The following CCDC146 variants were observed in gnomAD, a reference collection of about 807,000 sequenced individuals.
The protein encoded by CCDC146 is coiled-coil domain-containing protein 146.
In CCDC146, 92 loss-of-function variants were observed where a neutral mutation model predicts 119.3. The observed-to-expected ratio is 0.77, with a 90% confidence interval of 0.65 to 0.92. The LOEUF (loss-of-function observed/expected upper bound fraction) is 0.92, where lower values mean the gene tolerates loss of function less well. CCDC146 is among the 40% of genes least tolerant of loss of function. The probability of loss-of-function intolerance (pLI) is 0.00; values close to 1 mark genes in which losing one functional copy is unlikely to be tolerated. For synonymous variants in CCDC146, 372 were observed against 371.8 expected (o/e 1.00, Z -0.01); for missense variants, 1,000 against 1,103.0 (o/e 0.91, Z 1.32).
At chr7:77,271,355 C>T (rs1028435561) in intron 9 of CCDC146, among the ~76,000 whole-genome samples, 5 of 151,300 alleles carry the variant, frequency 3.3e-5, no homozygotes, top group East Asian at 1.9e-4. Flanking sequence ...CCTCGAACAT[C>T]GGACTCCAAG....
intron 1 of CCDC146, among the ~76,000 whole-genome samples, chr7:77,133,958 A>G (rs1790824804): frequency 6.6e-6 from 1 of 152,214 alleles, no homozygotes; most frequent in Non-Finnish European, 1.5e-5. Flanking sequence ...AAGGTGAAGC[A>G]GTACACAATC....
chr7:77,192,845 C>T (rs990101370), intron 2 of CCDC146, among the ~76,000 whole-genome samples: 1 of 152,022 alleles, frequency 6.6e-6, no homozygotes, highest in Non-Finnish European at 1.5e-5. Context: ...ATGGCGTGAA[C>T]CCAGGAGGCA....
At chr7:77,190,190 T>C (rs1347615603) in intron 2 of CCDC146, among the ~76,000 whole-genome samples, 3 of 152,222 alleles carry the variant, frequency 2.0e-5, no homozygotes, top group Non-Finnish European at 4.4e-5. Flanking sequence ...TTAGTTACCA[T>C]GAGCTGCTAT....
chr7:77,140,237 T>A (rs1427030191), intron 1 of CCDC146, among the ~76,000 whole-genome samples: 2 of 151,930 alleles, frequency 1.3e-5, no homozygotes, highest in East Asian at 3.8e-4. Context: ...ATTTGGAAAC[T>A]GAAATCTTAA....
chr7:77,166,712 T>A (rs1412169519), intron 1 of CCDC146, among the ~76,000 whole-genome samples: 1 of 152,192 alleles, frequency 6.6e-6, no homozygotes, highest in Non-Finnish European at 1.5e-5. Flanking sequence ...TAATAAATTT[T>A]TTTAAAGGGA....
At chr7:77,200,111 C>T (rs1006362315) in intron 2 of CCDC146, among the ~76,000 whole-genome samples, 15 of 152,078 alleles carry the variant, frequency 9.9e-5, no homozygotes, top group East Asian at 9.6e-4. Context: ...GGTATACTTA[C>T]GCTTGAAGTA....
chr7:77,180,677 G>A (rs936132948), intron 2 of CCDC146, among the ~76,000 whole-genome samples: 12 of 152,156 alleles, frequency 7.9e-5, no homozygotes, highest in African/African-American at 1.9e-4. Flanking sequence ...CAGTCTAGGT[G>A]AGAGTGAGAC....
intron 1 of CCDC146, among the ~76,000 whole-genome samples, chr7:77,153,849 G>A (rs2539175): frequency 9.2e-5 from 14 of 151,620 alleles, no homozygotes; most frequent in African/African-American, 3.2e-4. Flanking sequence ...ACAAAAATGT[G>A]TATGAGAATA....
intron 13 of CCDC146, 126 bp downstream of exon 13, chr7:77,279,227 G>T: frequency 2.6e-6 from 2 of 764,520 alleles, no homozygotes; most frequent in East Asian, 2.9e-5. Flanking sequence ...TGGTGCCACT[G>T]CCCTCCAGCC....
chr7:77,239,338 T>G (rs191714327), intron 3 of CCDC146, among the ~76,000 whole-genome samples: 2 of 152,370 alleles, frequency 1.3e-5, no homozygotes, highest in African/African-American at 4.8e-5. Context: ...AGGAGAATAA[T>G]TCCAGCTTTC....
At chr7:77,245,450 C>T (rs1220546375) in intron 4 of CCDC146, among the ~76,000 whole-genome samples, 4 of 152,148 alleles carry the variant, frequency 2.6e-5, no homozygotes, top group African/African-American at 4.8e-5. Context: ...AAATACGTTG[C>T]GTCTTTCATG....
chr7:77,210,362 G>A (rs1005091204), intron 2 of CCDC146, among the ~76,000 whole-genome samples: 2 of 152,142 alleles, frequency 1.3e-5, no homozygotes, highest in Admixed American at 6.5e-5. Context: ...CAGTCTCTTT[G>A]CTAAACCATA....
At chr7:77,292,862 C>G in intron 17 of CCDC146, 90 bp from the exon 18 acceptor site, 1 of 1,378,928 alleles carries the variant, frequency 7.3e-7, no homozygotes, top group Non-Finnish European at 9.8e-7. Context: ...GACAAAAATG[C>G]ACCCCGCCAT....
chr7:77,166,073 T>C (rs1490313773), intron 1 of CCDC146, among the ~76,000 whole-genome samples: 1 of 152,190 alleles, frequency 6.6e-6, no homozygotes, highest in African/African-American at 2.4e-5. Flanking sequence ...TAATTGAACA[T>C]ACAACAATAG....
At position 77,262,164 on chromosome 7, in the gene CCDC146, C is replaced by T; in HGVS notation, c.1030C>T (p.Gln344Ter). ...LNLRNSLIDK[Q>*]NYHDELSRKQ... ...TTTACGCAACAGTCTCATTGACAAG[C>T]AGAACTACCATGATGAACTTTCTCG... Residue 344 changes from glutamine to a stop codon, truncating the protein, a stop_gained, in exon 9 of 19, where the codon CAG becomes TAG. Coordinates refer to ENST00000285871, the MANE Select transcript of CCDC146 (RefSeq NM_020879.3). LOFTEE classifies it high-confidence loss of function. 6.2e-7 allele frequency: 1 copy of T among 1,611,656 alleles called. No homozygotes were observed. Among genetic ancestry groups the T allele is most frequent in the Non-Finnish European group, 8.5e-7 (1 of 1,179,126 alleles).
intron 2 of CCDC146, among the ~76,000 whole-genome samples, chr7:77,171,470 G>A (rs1306685563): frequency 2.6e-5 from 4 of 152,132 alleles, no homozygotes; most frequent in African/African-American, 9.7e-5. Context: ...CCTTAATAAA[G>A]GTGAGCTCCC....
At chr7:77,263,521 A>G (rs1793342592) in intron 9 of CCDC146, among the ~76,000 whole-genome samples, 1 of 152,256 alleles carries the variant, frequency 6.6e-6, no homozygotes, top group Non-Finnish European at 1.5e-5. Context: ...CCTGACTGAA[A>G]GACCAACCTT....
chr7:77,258,892 A>T, intron 6 of CCDC146, 103 bp from the exon 7 acceptor site: 1 of 733,428 alleles, frequency 1.4e-6, no homozygotes, highest in Non-Finnish European at 2.4e-6. Flanking sequence ...GATGGTAAGT[A>T]TCTACATATT....
intron 15 of CCDC146, among the ~76,000 whole-genome samples, chr7:77,284,103 T>C (rs6966129): frequency 0.38 from 58,260 of 152,068 alleles, 13,316 homozygotes; most frequent in African/African-American, 0.64. Context: ...GTGCCATGTC[T>C]GCAAAGGCAC....
Sources: allele counts gnomAD v4.1 joint callset (sites outside exome capture counted in the v4.1 genomes callset), GRCh38; gene constraint gnomAD v4.1.1; transcripts MANE v1.5; gene names NCBI Gene and HGNC (gene_info 2026-07-23, HGNC 2026-07-21).